SLC14A2: variants seen among roughly 807,000 people sequenced by gnomAD.
SLC14A2 encodes the protein solute carrier family 14 member 2.
SLC14A2 carries 91 observed loss-of-function variants against 104.6 expected under a neutral mutation model. That is an observed-to-expected ratio of 0.87 (90% CI 0.73 to 1.04). The LOEUF (loss-of-function observed/expected upper bound fraction) is 1.04, where lower values mean the gene tolerates loss of function less well. Ranked by LOEUF, SLC14A2 falls within the 50% of genes least tolerant of loss-of-function variation. The pLI, the probability that SLC14A2 is intolerant of heterozygous loss-of-function variation, is 0.00. For missense variants in SLC14A2, 1,189 were observed against 1,156.0 expected, an observed-to-expected ratio of 1.03 and a Z score of -0.41; for synonymous variants, 476 against 466.4, an observed-to-expected ratio of 1.02 and a Z score of -0.27.
chr18:45,664,502 T>C (rs1236495008), intron 11 of SLC14A2, among the ~76,000 whole-genome samples: 2 of 152,130 alleles, frequency 1.3e-5, no homozygotes, highest in Non-Finnish European at 2.9e-5. Flanking sequence ...AGCTGCAAGG[T>C]TGGAGCAGCC....
intron 1 of SLC14A2, among the ~76,000 whole-genome samples, chr18:45,244,050 C>T (rs533495310): frequency 1.2e-4 from 18 of 152,240 alleles, no homozygotes; most frequent in Admixed American, 6.5e-4. Context: ...TGGGAGCTTA[C>T]CAAACCGGGT....
chr18:45,336,934 G>T (rs1034725374), intron 1 of SLC14A2, among the ~76,000 whole-genome samples: 2 of 151,884 alleles, frequency 1.3e-5, no homozygotes, highest in Admixed American at 6.6e-5. Flanking sequence ...TTGGGGTCAG[G>T]CTGTTAAAGT....
chr18:45,273,709 G>A (rs1407594937), intron 1 of SLC14A2, among the ~76,000 whole-genome samples: 1 of 152,150 alleles, frequency 6.6e-6, no homozygotes, highest in African/African-American at 2.4e-5. Context: ...TAGGAGGCAA[G>A]ATGTAGGCCA....
At chr18:45,300,512 T>C (rs1034391523) in intron 1 of SLC14A2, among the ~76,000 whole-genome samples, 1 of 152,178 alleles carries the variant, frequency 6.6e-6, no homozygotes, top group African/African-American at 2.4e-5. Context: ...TCCTGACTTG[T>C]AGTCATTTAT....
intron 2 of SLC14A2, among the ~76,000 whole-genome samples, chr18:45,520,668 G>C (rs1376005127): frequency 6.6e-6 from 1 of 152,154 alleles, no homozygotes; most frequent in Non-Finnish European, 1.5e-5. Context: ...AAGCAACATG[G>C]TGTCCTGGAA....
At chr18:45,549,457 G>A (rs917601869) in intron 2 of SLC14A2, among the ~76,000 whole-genome samples, 1 of 152,224 alleles carries the variant, frequency 6.6e-6, no homozygotes, top group African/African-American at 2.4e-5. Flanking sequence ...GCCTTCCCCA[G>A]ACAGGAGACA....
chr18:45,372,220 G>A (rs2085730260), intron 1 of SLC14A2, among the ~76,000 whole-genome samples: 1 of 152,084 alleles, frequency 6.6e-6, no homozygotes, highest in African/African-American at 2.4e-5. Context: ...CCTGAGGCAG[G>A]AGAATCGCTT....
At position 45,346,978 on chromosome 18, in the gene SLC14A2, TAA is replaced by T. The variant is rs372251848; in HGVS notation, c.-125+133791_-125+133792del. Among the ~76,000 whole-genome samples, 633 of 104,776 alleles carry T rather than the reference TAA, an allele frequency of 6.0e-3. 4 individuals are homozygous for T. Among genetic ancestry groups the T allele is most frequent in the African/African-American group, 0.034 (552 of 16,324 alleles). The allele number at this position is 104,776 out of a possible 152,430, so 68.7% of individuals were successfully genotyped here. A position where few individuals can be genotyped will look rare whatever the true frequency, so the allele number is the denominator to read the frequency against. ...CGAGACTCAAAAATAAAAATAAAAA[TAA>T]AAATAAATAAATAAATAAATAAATA... On this transcript the variant is annotated intron_variant, in intron 1 of 20. Transcript: ENST00000586448.
intron 1 of SLC14A2, among the ~76,000 whole-genome samples, chr18:45,329,558 A>C (rs951874477): frequency 6.6e-6 from 1 of 152,224 alleles, no homozygotes; most frequent in Admixed American, 6.5e-5. Context: ...GGAGGGGGTA[A>C]GACTCAGTGG....
At chr18:45,240,153 G>A (rs994602657) in intron 1 of SLC14A2, among the ~76,000 whole-genome samples, 4 of 136,002 alleles carry the variant, frequency 2.9e-5, no homozygotes, top group African/African-American at 1.2e-4. Context: ...CTGGAGTACA[G>A]TGGTGCAATC....
intron 1 of SLC14A2, 110 bp from the exon 2 acceptor site, chr18:45,624,521 T>A: frequency 3.1e-6 from 2 of 642,808 alleles, no homozygotes; most frequent in Non-Finnish European, 5.2e-6. Flanking sequence ...AGATCCCACG[T>A]GTGTCACTGT....
chr18:45,222,708 C>G (rs778940050), intron 1 of SLC14A2, among the ~76,000 whole-genome samples: 2 of 152,164 alleles, frequency 1.3e-5, no homozygotes, highest in Non-Finnish European at 2.9e-5. Context: ...ACCAACTACC[C>G]TTTGGATATC....
chr18:45,350,078 CA>C (rs959201891), intron 1 of SLC14A2, among the ~76,000 whole-genome samples: 4 of 152,194 alleles, frequency 2.6e-5, no homozygotes, highest in African/African-American at 9.7e-5. Context: ...TTTGGGTCAA[CA>C]AAGACAAAAC....
In SLC14A2 at chr18:45,674,493, A is replaced by G. The variant is rs189770689; in HGVS notation, c.2512+676A>G. Among the ~76,000 whole-genome samples the G allele has an allele frequency of 5.3e-4, 80 of 152,288 alleles. 1 individual carries two copies. The highest frequency in any genetic ancestry group is 1.2e-3 in the Admixed American group (19 of 15,290). On this transcript the variant is annotated intron_variant, in intron 18 of 19. Coordinates refer to ENST00000255226, the MANE Select transcript of SLC14A2 (RefSeq NM_007163.4). ...GATATATTTTCTTTTGCATTTTATG[A>G]CAGTGACTACGAACTCTAAACAAGA...
At chr18:45,270,104 C>T (rs1005664079) in intron 1 of SLC14A2, among the ~76,000 whole-genome samples, 2 of 151,976 alleles carry the variant, frequency 1.3e-5, no homozygotes, top group African/African-American at 4.8e-5. Context: ...GTGGATGGAG[C>T]TTCCTCATCA....
At position 45,673,697 on chromosome 18, in the gene SLC14A2, A is replaced by G. The variant is rs745701732; in HGVS notation, c.2392A>G (p.Thr798Ala). 1 of 1,613,984 alleles carries G rather than the reference A, an allele frequency of 6.2e-7. No individual in the cohort carries two copies. The highest frequency in any genetic ancestry group is 8.5e-7 in the Non-Finnish European group (1 of 1,179,938). Residue 798 changes from threonine (T) to alanine (A), a missense_variant, in exon 18 of 20, where the codon ACG becomes GCG. Physicochemically the swap from Thr to Ala is moderately conservative, Grantham distance 58. Coordinates refer to ENST00000255226, the MANE Select transcript of SLC14A2 (RefSeq NM_007163.4). ...MGMLAALTIA[T>A]PFDSIYFGLC... ...TTCTGTCACAGCACTCACTATTGCGACGCCCTTTGACTCCATCTACTTCGG... is the reference window on the plus strand; with the variant it reads ...TTCTGTCACAGCACTCACTATTGCGGCGCCCTTTGACTCCATCTACTTCGG...
At chr18:45,597,915 T>A (rs1323988279) in intron 2 of SLC14A2, among the ~76,000 whole-genome samples, 1 of 152,084 alleles carries the variant, frequency 6.6e-6, no homozygotes, top group African/African-American at 2.4e-5. Flanking sequence ...AGGTGTGGTG[T>A]GTGAAAGAGG....
intron 1 of SLC14A2, among the ~76,000 whole-genome samples, chr18:45,233,784 C>A (rs2084199033): frequency 7.2e-6 from 1 of 139,024 alleles, no homozygotes; most frequent in Non-Finnish European, 1.5e-5. Flanking sequence ...CTCCCCCTTC[C>A]CCCACCCACA....
intron 2 of SLC14A2, among the ~76,000 whole-genome samples, chr18:45,609,300 T>C (rs2044929953): frequency 6.6e-6 from 1 of 152,182 alleles, no homozygotes; most frequent in South Asian, 2.1e-4. Context: ...CCTTCCTTTC[T>C]TTCTTGTATC....
Sources: allele counts gnomAD v4.1 joint callset (sites outside exome capture counted in the v4.1 genomes callset), GRCh38; gene constraint gnomAD v4.1.1; transcripts MANE v1.5; gene names NCBI Gene and HGNC (gene_info 2026-07-23, HGNC 2026-07-21).